Variants in NRG3 observed in about 807,000 individuals in gnomAD.
The protein encoded by NRG3 is neuregulin 3.
Under a neutral mutation model 66.9 loss-of-function variants are expected in NRG3, and 31 were observed. That is an observed-to-expected ratio of 0.46 (90% CI 0.35 to 0.63). The LOEUF (loss-of-function observed/expected upper bound fraction) is 0.63. NRG3 is among the 20% of genes least tolerant of loss of function. The pLI is 0.00. For synonymous variants in NRG3, 393 were observed against 359.4 expected, an observed-to-expected ratio of 1.09 and a Z score of -1.06; for missense variants, 910 against 878.9, an observed-to-expected ratio of 1.04 and a Z score of -0.45.
At position 82,669,859 on chromosome 10, in the gene NRG3, C is replaced by T. The variant is rs551738050; in HGVS notation, c.954-68718C>T. On this transcript the variant is annotated intron_variant, in intron 2 of 8. Coordinates refer to ENST00000372141, the MANE Select transcript of NRG3 (RefSeq NM_001010848.4). ...AGGAGAATGGCGTGAACCCGGGAGG[C>T]GGAGCTTGCAGTGAGCCGAGATCGC... 2.4e-4 allele frequency among the ~76,000 whole-genome samples: 36 copies of T among 150,868 alleles called. No homozygotes were observed. The South Asian group carries it at 6.8e-3, about 28-fold the overall frequency.
At chr10:82,128,898 A>T (rs1253326547) in intron 1 of NRG3, among the ~76,000 whole-genome samples, 2 of 151,918 alleles carry the variant, frequency 1.3e-5, no homozygotes, top group Admixed American at 1.3e-4. Flanking sequence ...CTGTCATCTT[A>T]ATTTGCTTGA....
intron 2 of NRG3, among the ~76,000 whole-genome samples, chr10:82,422,977 C>G (rs77567177): frequency 1.3e-5 from 2 of 151,894 alleles, no homozygotes; most frequent in African/African-American, 4.8e-5. Context: ...CTTTCTGTTA[C>G]TTACCCCATA....
chr10:82,504,366 A>T (rs983484017), intron 2 of NRG3, among the ~76,000 whole-genome samples: 1 of 152,164 alleles, frequency 6.6e-6, no homozygotes, highest in Non-Finnish European at 1.5e-5. Context: ...TTTCCTCAGC[A>T]TAGCATTTTT....
intron 1 of NRG3, among the ~76,000 whole-genome samples, chr10:82,032,117 T>C (rs919524995): frequency 5.9e-5 from 9 of 151,726 alleles, no homozygotes; most frequent in Non-Finnish European, 5.9e-5. Flanking sequence ...TTGATTCTTT[T>C]TTTTTTTTTT....
intron 4 of NRG3, among the ~76,000 whole-genome samples, chr10:82,950,919 T>G (rs1420803122): frequency 1.3e-5 from 2 of 152,214 alleles, no homozygotes; most frequent in African/African-American, 4.8e-5. Flanking sequence ...TCATTGGTAT[T>G]GAGAAGGACA....
At chr10:82,710,366 C>A (rs1478871890) in intron 2 of NRG3, among the ~76,000 whole-genome samples, 1 of 152,130 alleles carries the variant, frequency 6.6e-6, no homozygotes, top group East Asian at 1.9e-4. Flanking sequence ...CAGGTGAATC[C>A]TCTCAGGTCG....
chr10:82,472,057 GAA>G (rs747063117), intron 2 of NRG3, among the ~76,000 whole-genome samples: 1 of 145,046 alleles, frequency 6.9e-6, no homozygotes, highest in East Asian at 2.0e-4. Flanking sequence ...ACTTGAAATT[GAA>G]AAAAAAAAAT....
At chr10:82,956,629 G>A (rs1338589635) in intron 5 of NRG3, among the ~76,000 whole-genome samples, 1 of 151,936 alleles carries the variant, frequency 6.6e-6, no homozygotes, top group Non-Finnish European at 1.5e-5. Context: ...CTCTGAATTG[G>A]ATTACTGCAA....
chr10:82,380,768 G>T (rs1432650661), intron 2 of NRG3, among the ~76,000 whole-genome samples: 2 of 152,102 alleles, frequency 1.3e-5, no homozygotes, highest in African/African-American at 2.4e-5. Flanking sequence ...CAGTCACATT[G>T]CACATGTACC....
At chr10:81,931,463 A>G (rs1279567708) in intron 1 of NRG3, among the ~76,000 whole-genome samples, 1 of 152,160 alleles carries the variant, frequency 6.6e-6, no homozygotes, top group Non-Finnish European at 1.5e-5. Context: ...ATTTCCACAC[A>G]ATCCCTGGGC....
At chr10:82,256,495 C>T (rs2077735288) in intron 1 of NRG3, among the ~76,000 whole-genome samples, 1 of 152,134 alleles carries the variant, frequency 6.6e-6, no homozygotes, top group Non-Finnish European at 1.5e-5. Context: ...TCTTGTCAGG[C>T]TTTACTCCTC....
chr10:81,875,424 TGCGGCGGCGGCA>T lies in NRG3; in HGVS notation c.92_103del (p.Ala31_Ala34del), dbSNP rs1400033892. On this transcript the variant is annotated inframe_deletion, in exon 1 of 9. Coordinates refer to ENST00000372141, the MANE Select transcript of NRG3 (RefSeq NM_001010848.4). The surrounding 1 kb of genome is among the most constrained non-coding windows in gnomAD (Gnocchi z 5.3). ...CGGCCGAGGAGGGCACCGCGGCGGC[TGCGGCGGCGGCA>T]GCGGCGGGCGGGGGCCCGGACGGCG... 11 of 1,090,942 alleles carry T rather than the reference TGCGGCGGCGGCA, an allele frequency of 1.0e-5. No individual in the cohort carries two copies. The highest frequency in any genetic ancestry group is 1.7e-5 in the African/African-American group (1 of 58,598). The allele number at this position is 1,090,942 out of a possible 1,614,324, so 67.6% of individuals were successfully genotyped here. A position where few individuals can be genotyped will look rare whatever the true frequency, so the allele number is the denominator to read the frequency against.
At chr10:82,487,234 T>C (rs1351876121) in intron 2 of NRG3, among the ~76,000 whole-genome samples, 1 of 151,828 alleles carries the variant, frequency 6.6e-6, no homozygotes. Context: ...TAAACAGAAA[T>C]TGTAAGTCAG....
At chr10:82,182,636 A>G (rs1390689721) in intron 1 of NRG3, among the ~76,000 whole-genome samples, 5 of 151,912 alleles carry the variant, frequency 3.3e-5, no homozygotes, top group East Asian at 1.9e-4. Flanking sequence ...TTGTCTTTCA[A>G]CTTCTAAACC....
chr10:82,109,874 G>A (rs114631181), intron 1 of NRG3, among the ~76,000 whole-genome samples: 5 of 152,136 alleles, frequency 3.3e-5, no homozygotes, highest in Non-Finnish European at 5.9e-5. Flanking sequence ...CGTGCAGCTT[G>A]TAAGCAATCA....
At chr10:82,373,501 C>T (rs1333740765) in intron 2 of NRG3, among the ~76,000 whole-genome samples, 1 of 152,160 alleles carries the variant, frequency 6.6e-6, no homozygotes, top group Non-Finnish European at 1.5e-5. Context: ...TCCTGAAGGG[C>T]AGAAATTCAA....
intron 1 of NRG3, among the ~76,000 whole-genome samples, chr10:81,893,911 T>C (rs1232459753): frequency 6.6e-6 from 1 of 152,178 alleles, no homozygotes; most frequent in South Asian, 2.1e-4. Context: ...AAAGATTTTT[T>C]TCCTGAAACT....
At chr10:82,062,523 T>C (rs746154602) in intron 1 of NRG3, among the ~76,000 whole-genome samples, 2 of 151,598 alleles carry the variant, frequency 1.3e-5, no homozygotes, top group Non-Finnish European at 2.9e-5. Flanking sequence ...GGAGAATTGC[T>C]CTAACCTGGA....
chr10:82,147,271 G>A (rs1031427695), intron 1 of NRG3, among the ~76,000 whole-genome samples: 8 of 152,054 alleles, frequency 5.3e-5, no homozygotes, highest in Non-Finnish European at 2.9e-5. Flanking sequence ...GATTTGTCTG[G>A]AACCACAGCT....
Sources: allele counts gnomAD v4.1 joint callset (sites outside exome capture counted in the v4.1 genomes callset), GRCh38; gene constraint gnomAD v4.1.1; non-coding constraint Gnocchi (gnomAD v3.1); transcripts MANE v1.5; gene names NCBI Gene and HGNC (gene_info 2026-07-23, HGNC 2026-07-21).